The following DAB2 variants were observed in gnomAD, a reference collection of about 807,000 sequenced individuals.
DAB2 encodes the protein DAB adaptor protein 2.
DAB2 carries 28 observed loss-of-function variants against 71.6 expected under a neutral mutation model. The observed-to-expected ratio is 0.39, with a 90% CI of 0.29 to 0.54. DAB2 has a LOEUF of 0.54. Ranked by LOEUF, DAB2 falls within the 20% of genes least tolerant of loss-of-function variation. The pLI is 0.68. For synonymous variants in DAB2, 345 were observed against 339.7 expected (o/e 1.02, Z -0.17); for missense variants, 867 against 928.8 (o/e 0.93, Z 0.86).
intron 1 of DAB2, among the ~76,000 whole-genome samples, chr5:39,405,973 A>C (rs1327507903): frequency 6.6e-6 from 1 of 152,208 alleles, no homozygotes; most frequent in African/African-American, 2.4e-5. Context: ...TTCTGGGAAA[A>C]AGGATAATAT....
intron 1 of DAB2, among the ~76,000 whole-genome samples, chr5:39,404,027 T>A (rs576687438): frequency 6.6e-6 from 1 of 152,184 alleles, no homozygotes; most frequent in South Asian, 2.1e-4. Context: ...AGTCTATCAT[T>A]GTTGGACATT....
Position 39,412,273 on chromosome 5 carries a change from G to T in DAB2, c.-102+12531C>A, listed in dbSNP as rs1755748669. Among the ~76,000 whole-genome samples, 3 of 152,106 alleles carry T rather than the reference G, an allele frequency of 2.0e-5. 1 individual carries two copies. The South Asian group carries it at 6.2e-4, about 32-fold the overall frequency. On this transcript the variant is annotated intron_variant, in intron 1 of 14. Coordinates refer to ENST00000320816, the MANE Select transcript of DAB2 (RefSeq NM_001343.4). ...TATGACAAAACTTGAAAAGCCTGCAGACACTGACAGCCTTTTTTGTTGTTG... is the reference window on the plus strand; with the variant it reads ...TATGACAAAACTTGAAAAGCCTGCATACACTGACAGCCTTTTTTGTTGTTG...
intron 8 of DAB2, 138 bp from the exon 9 acceptor site, chr5:39,388,505 A>T: frequency 1.4e-6 from 1 of 694,704 alleles, no homozygotes; most frequent in Non-Finnish European, 2.5e-6. Flanking sequence ...ATTTCATATT[A>T]AGCTGTTTAG....
rs1203632727 is a variant in DAB2 at position 39,372,467 on chromosome 5, T to C, written c.*964A>G. ...TCCTTTGTTGCTGAGTTGAGTTCAA[T>C]TTCTCTTGAACATTAACTGCTCTTC... On this transcript the variant is annotated 3_prime_UTR_variant, in exon 15 of 15. Transcript: ENST00000320816. 6.6e-6 allele frequency: 1 copy of C among 152,154 alleles called. No homozygotes were observed. The highest frequency in any genetic ancestry group is 1.5e-5 in the Non-Finnish European group (1 of 68,044). 9.4% of individuals were successfully genotyped at this position (152,154 alleles called of 1,614,324 possible).
intron 9 of DAB2, among the ~76,000 whole-genome samples, chr5:39,384,615 A>C (rs1003596202): frequency 6.6e-6 from 1 of 152,106 alleles, no homozygotes; most frequent in African/African-American, 2.4e-5. Flanking sequence ...TGGTGTGTTA[A>C]TTTTTTGGAT....
intron 8 of DAB2, 145 bp downstream of exon 8, chr5:39,388,654 T>A (rs976603136): frequency 2.2e-5 from 15 of 688,728 alleles, no homozygotes; most frequent in South Asian, 1.6e-4. Context: ...TTGACATAGA[T>A]GTTACACTAA....
intron 1 of DAB2, 33 bp downstream of exon 1, chr5:39,424,771 G>C (rs924291620): frequency 6.6e-6 from 1 of 152,394 alleles, no homozygotes; most frequent in African/African-American, 2.4e-5. Flanking sequence ...AAAAAATGGA[G>C]CCAGAGGGAA....
intron 1 of DAB2, among the ~76,000 whole-genome samples, chr5:39,399,446 A>G (rs1341516428): frequency 6.6e-6 from 1 of 152,228 alleles, no homozygotes; most frequent in Non-Finnish European, 1.5e-5. Context: ...ACAAAGGAAG[A>G]TCTAAAGTTA....
rs1023954197 is a variant in DAB2, at chr5:39,381,458, A to T, written c.1500T>A (p.Gly500=). ...SAPAPVGPLV[G]LGGVTVTLPQ... Reference sequence around the variant, plus strand: ...ATTTTATCTCTAGGCACCTACCTAGACCCACCAGGGGCCCCACTGGGGCAG... The same window carrying T: ...ATTTTATCTCTAGGCACCTACCTAGTCCCACCAGGGGCCCCACTGGGGCAG... Residue 500 remains glycine, a synonymous_variant, in exon 11 of 15, where the codon GGT becomes GGA. Transcript: ENST00000320816. 2.5e-6 allele frequency: 4 copies of T among 1,613,690 alleles called. No homozygotes were observed. In the African/African-American group the frequency reaches 5.3e-5, roughly 22 times the overall value.
In DAB2 at chr5:39,372,801, A is replaced by G. The variant is rs919207434; in HGVS notation, c.*630T>C. On this transcript the variant is annotated 3_prime_UTR_variant, in exon 15 of 15. Transcript: ENST00000320816. ...TAGCAAGAAATGGGAGAAAAGGACA[A>G]TCTTGGCCTTGGGAGAAATTGATCT... The G allele has an allele frequency of 3.3e-5, 5 of 152,164 alleles. No homozygotes were observed. The highest frequency in any genetic ancestry group is 1.2e-4 in the African/African-American group (5 of 41,448). The allele number at this position is 152,164 out of a possible 1,614,324, so 9.4% of individuals were successfully genotyped here.
intron 1 of DAB2, among the ~76,000 whole-genome samples, chr5:39,404,484 A>G (rs1755569802): frequency 6.6e-6 from 1 of 150,402 alleles, no homozygotes; most frequent in Admixed American, 6.6e-5. Flanking sequence ...AAAGAAAGAA[A>G]CAGTCCCCTC....
intron 1 of DAB2, among the ~76,000 whole-genome samples, chr5:39,420,607 G>A (rs565952247): frequency 6.6e-6 from 1 of 152,124 alleles, no homozygotes; most frequent in Non-Finnish European, 1.5e-5. Context: ...AACTTGCCAG[G>A]CTGCTTCTAT....
intron 1 of DAB2, among the ~76,000 whole-genome samples, chr5:39,405,799 AG>A (rs1311167130): frequency 2.0e-5 from 3 of 152,136 alleles, no homozygotes; most frequent in African/African-American, 7.2e-5. Flanking sequence ...GAGATTGGCA[AG>A]GTAATGACTA....
rs942929108 is a variant in DAB2 at position 39,371,717 on chromosome 5, G to C, written c.*1714C>G. The C allele has an allele frequency of 1.3e-5, 2 of 152,284 alleles. No homozygotes were observed. Among genetic ancestry groups the C allele is most frequent in the Admixed American group, 6.5e-5 (1 of 15,288 alleles). 9.4% of individuals were successfully genotyped at this position (152,284 alleles called of 1,614,324 possible). A position where few individuals can be genotyped will look rare whatever the true frequency, so the allele number is the denominator to read the frequency against. ...GTTTATTGAAATGAGTAAATTTATAGCTTTATTTGCATACAGAAAAGTGCA... is the reference window on the plus strand; with the variant it reads ...GTTTATTGAAATGAGTAAATTTATACCTTTATTTGCATACAGAAAAGTGCA... On this transcript the variant is annotated 3_prime_UTR_variant, in exon 15 of 15. Coordinates refer to ENST00000320816, the MANE Select transcript of DAB2 (RefSeq NM_001343.4).
intron 2 of DAB2, among the ~76,000 whole-genome samples, chr5:39,393,688 G>T (rs1561372236): frequency 6.6e-6 from 1 of 151,612 alleles, no homozygotes; most frequent in Admixed American, 6.6e-5. Flanking sequence ...TTTCATCATA[G>T]TTTTTTTTAA....
Position 39,388,359 on chromosome 5 carries a change from G to C in DAB2, c.633C>G (p.Asp211Glu), listed in dbSNP as rs745801301. The change falls in exon 9 of 15, where the codon GAC (aspartate) becomes GAG (glutamate). Residue 211 changes from aspartate to glutamate, a missense_variant. Transcript: ENST00000320816. ...ACATGTCCCCAAACAAATCCATCTG[G>C]TCAACACCCTTAAAAAAGTATTTGG... is the stretch of plus-strand genomic sequence containing the variant. ...DQTNKLKSGV[D>E]QMDLFGDMST... 2.5e-5 allele frequency: 40 copies of C among 1,609,148 alleles called. No homozygotes were observed. The highest frequency in any genetic ancestry group is 1.9e-5 in the Non-Finnish European group (22 of 1,176,042).
chr5:39,411,314 TAAGC>T (rs1755724780), intron 1 of DAB2, among the ~76,000 whole-genome samples: 2 of 152,180 alleles, frequency 1.3e-5, no homozygotes, highest in Admixed American at 1.3e-4. Context: ...ACATAATACT[TAAGC>T]AAGATGTTTC....
intron 1 of DAB2, among the ~76,000 whole-genome samples, chr5:39,421,299 G>T (rs1034458335): frequency 6.6e-6 from 1 of 152,160 alleles, no homozygotes; most frequent in Non-Finnish European, 1.5e-5. Flanking sequence ...ACTTAATTCA[G>T]TTGTTCAGGG....
chr5:39,402,067 A>G (rs1258059531), intron 1 of DAB2, among the ~76,000 whole-genome samples: 1 of 152,160 alleles, frequency 6.6e-6, no homozygotes, highest in Non-Finnish European at 1.5e-5. Flanking sequence ...CAGCCAATCG[A>G]AAAGGGAAAC....
Sources: allele counts gnomAD v4.1 joint callset (sites outside exome capture counted in the v4.1 genomes callset), GRCh38; gene constraint gnomAD v4.1.1; transcripts MANE v1.5; gene names NCBI Gene and HGNC (gene_info 2026-07-23, HGNC 2026-07-21).